Variants in RNF17 observed in about 807,000 individuals in gnomAD.
The protein encoded by RNF17 is ring finger protein 17, also known as spermatogenesis associated 23.
Under a neutral mutation model 200.5 loss-of-function variants are expected in RNF17, and 31 were observed. That is an observed-to-expected ratio of 0.15 (90% confidence interval 0.12 to 0.21). The LOEUF (loss-of-function observed/expected upper bound fraction) is 0.21. RNF17 is among the 10% of genes least tolerant of loss of function. The pLI is 1.00. For missense variants in RNF17, 1,628 were observed against 1,905.1 expected (o/e 0.85, Z 2.71); for synonymous variants, 606 against 637.8 (o/e 0.95, Z 0.75).
the RNF17 span, among the ~76,000 whole-genome samples, chr13:24,888,477 CA>C: frequency 3.3e-4 from 50 of 152,264 alleles, no homozygotes; most frequent in African/African-American, 9.9e-4. Context: ...AGGGCCTTAC[CA>C]GCTCACGGAA....
intron 24 of RNF17, among the ~76,000 whole-genome samples, chr13:24,853,193 C>T (rs1281440843): frequency 6.6e-6 from 1 of 152,106 alleles, no homozygotes; most frequent in Non-Finnish European, 1.5e-5. Context: ...GGATTATAGG[C>T]GTGAGCCACC....
Position 24,764,351 on chromosome 13 carries a change from C to T in RNF17, c.130+18C>T, listed in dbSNP as rs887462753. 4 of 1,572,104 alleles carry T rather than the reference C, an allele frequency of 2.5e-6. No individual in the cohort carries two copies. The highest frequency in any genetic ancestry group is 3.7e-5 in the Admixed American group (2 of 54,614). On this transcript the variant is annotated intron_variant, in intron 1 of 35. Transcript: ENST00000255324. ...ATCATCCGGTGAGGAGCCCAAGGGCCCACCTAGCGGGGAGGCAGCCTGGAG... is the reference window on the plus strand; with the variant it reads ...ATCATCCGGTGAGGAGCCCAAGGGCTCACCTAGCGGGGAGGCAGCCTGGAG...
chr13:24,876,479 T>G (rs545811661), intron 33 of RNF17, among the ~76,000 whole-genome samples: 1 of 152,352 alleles, frequency 6.6e-6, no homozygotes, highest in East Asian at 1.9e-4. Context: ...TGGTCTATGC[T>G]TAATTTTTGA....
At chr13:24,781,325 C>T (rs9318801) in intron 5 of RNF17, among the ~76,000 whole-genome samples, 149,519 of 152,152 alleles carry the variant, frequency 0.98, 73,505 homozygotes, top group Middle Eastern at 1. Flanking sequence ...CTTGTTGCCA[C>T]ATTATCAGTA....
At chr13:24,850,563 C>T (rs373573505) in intron 23 of RNF17, 120 bp downstream of exon 23, 14 of 649,296 alleles carry the variant, frequency 2.2e-5, no homozygotes, top group East Asian at 1.1e-4. Context: ...CAAATTTTGT[C>T]GGTTTTATTT....
At chr13:24,762,991 T>C (rs142650403), upstream of RNF17, among the ~76,000 whole-genome samples, 468 of 152,306 alleles carry the variant, frequency 3.1e-3, 2 homozygotes, top group Non-Finnish European at 5.4e-3. Flanking sequence ...GTGTCTTCCA[T>C]CTACCTTCCC....
chr13:24,798,135 C>T (rs963807935), intron 11 of RNF17, among the ~76,000 whole-genome samples: 4 of 152,106 alleles, frequency 2.6e-5, no homozygotes, highest in African/African-American at 9.7e-5. Flanking sequence ...ACATTTAGCT[C>T]ACACTTGTTT....
intron 23 of RNF17, 150 bp from the exon 24 acceptor site, chr13:24,851,306 T>G (rs1755645291): frequency 1.5e-6 from 1 of 648,362 alleles, no homozygotes. Flanking sequence ...GTGCTATTTT[T>G]GGATGTGTTT....
At chr13:24,772,239 A>G (rs1207917980) in intron 2 of RNF17, among the ~76,000 whole-genome samples, 1 of 152,138 alleles carries the variant, frequency 6.6e-6, no homozygotes, top group Non-Finnish European at 1.5e-5. Flanking sequence ...TAGTGTTTTA[A>G]TTATTACAGT....
At chr13:24,752,109 A>G in the RNF17 span, 1 of 152,326 alleles carries the variant, frequency 6.6e-6, no homozygotes. Context: ...TAGTTTTTCT[A>G]CCAGGAATGT....
intron 34 of RNF17, among the ~76,000 whole-genome samples, chr13:24,878,478 A>G (rs567857633): frequency 1.3e-5 from 2 of 152,320 alleles, no homozygotes; most frequent in South Asian, 4.1e-4. Context: ...TGCAAGCTGG[A>G]GAACCAGAGA....
At chr13:24,840,784 G>T (rs1463900840) in intron 18 of RNF17, among the ~76,000 whole-genome samples, 1 of 152,116 alleles carries the variant, frequency 6.6e-6, no homozygotes. Flanking sequence ...ATACGGTGCA[G>T]TATATACTGT....
At chr13:24,748,753 GTTTTTT>G in the RNF17 span, among the ~76,000 whole-genome samples, 1 of 149,028 alleles carries the variant, frequency 6.7e-6, no homozygotes, top group African/African-American at 2.5e-5. Context: ...TTTGTTTTTT[GTTTTTT>G]TTTTGAGACA....
intron 16 of RNF17, among the ~76,000 whole-genome samples, chr13:24,828,267 TTTTGG>T (rs1161007563): frequency 6.6e-6 from 1 of 151,988 alleles, no homozygotes; most frequent in Non-Finnish European, 1.5e-5. Context: ...TTAGCACCAC[TTTTGG>T]GGTGCTAATA....
intron 3 of RNF17, among the ~76,000 whole-genome samples, chr13:24,776,738 C>T (rs1036463356): frequency 7.9e-5 from 12 of 152,158 alleles, no homozygotes; most frequent in Non-Finnish European, 1.6e-4. Flanking sequence ...CGGTAGATGA[C>T]GAGGGCTCAC....
At chr13:24,882,233 G>GATATATAGATACATCTAT (rs1953883408), downstream of RNF17, 1 of 50,382 alleles carries the variant, frequency 2.0e-5, no homozygotes, top group Non-Finnish European at 6.0e-5. Context: ...CATCTATATA[G>GATATATAGATACATCTAT]ATAGATATAT....
At position 24,764,233 on chromosome 13, in the gene RNF17, T is replaced by C; in HGVS notation, c.30T>C (p.Pro10=). The change falls in exon 1 of 36, where the codon CCT becomes CCC. Residue 10 remains proline (P), a synonymous_variant. Coordinates refer to ENST00000255324, the MANE Select transcript of RNF17 (RefSeq NM_031277.3). The part of the protein sequence containing the change: MAAEASKTG[P]SRSSYQRMGR... Reference sequence around the variant, plus strand: ...CGGCAGAGGCTTCGAAGACTGGGCCTTCTAGGTCTTCCTACCAGCGAATGG... The same window carrying C: ...CGGCAGAGGCTTCGAAGACTGGGCCCTCTAGGTCTTCCTACCAGCGAATGG... 6.2e-7 allele frequency: 1 copy of C among 1,606,716 alleles called. No homozygotes were observed. The highest frequency in any genetic ancestry group is 1.1e-5 in the South Asian group (1 of 90,578).
Position 24,859,144 on chromosome 13 carries a change from G to T in RNF17, c.3754G>T (p.Val1252Phe). The change falls in exon 26 of 36, where the codon GTT (valine) becomes TTT (phenylalanine). Residue 1252 changes from valine (V) to phenylalanine (F), a missense_variant. Coordinates refer to ENST00000255324, the MANE Select transcript of RNF17 (RefSeq NM_031277.3). Reference protein sequence around the residue: ...TLWYRGKVMEVVGGAVRVQYL... With the variant: ...TLWYRGKVMEFVGGAVRVQYL... ...GTGGTATCGTGGCAAGGTGATGGAG[G>T]TTGTAGGTGGCGCTGTCAGAGTGAG... The T allele has an allele frequency of 1.9e-6, 3 of 1,599,718 alleles. No homozygotes were observed. Among genetic ancestry groups the T allele is most frequent in the Non-Finnish European group, 2.6e-6 (3 of 1,171,752 alleles).
chr13:24,774,627 C>T (rs763865619), intron 2 of RNF17, among the ~76,000 whole-genome samples, 186 bp from the exon 3 acceptor site: 23 of 152,212 alleles, frequency 1.5e-4, no homozygotes, highest in Non-Finnish European at 3.4e-4. Context: ...TTCGTGATTG[C>T]TTCCAAAAAT....
Sources: allele counts gnomAD v4.1 joint callset (sites outside exome capture counted in the v4.1 genomes callset), GRCh38; gene constraint gnomAD v4.1.1; transcripts MANE v1.5; gene names NCBI Gene and HGNC (gene_info 2026-07-23, HGNC 2026-07-21).